DLGAP2: variants seen among roughly 807,000 people sequenced by gnomAD.
DLGAP2 encodes DLG associated protein 2, also known as disks large-associated protein 2.
A neutral mutation model predicts 100.3 loss-of-function variants in DLGAP2; 26 were observed. The ratio of observed to expected loss-of-function variants is 0.26; its 90% CI spans 0.19 to 0.36. The LOEUF (loss-of-function observed/expected upper bound fraction) is 0.36, where lower values mean the gene tolerates loss of function less well. Ranked by LOEUF, DLGAP2 falls within the 10% of genes least tolerant of loss-of-function variation. The probability of loss-of-function intolerance (pLI) is 1.00; values close to 1 mark genes in which losing one functional copy is unlikely to be tolerated. For synonymous variants in DLGAP2, 886 were observed against 630.1 expected (o/e 1.41, Z -6.08); for missense variants, 1,858 against 1,453.2 (o/e 1.28, Z -4.53).
At chr8:742,541 C>G (rs1161490406) in intron 1 of DLGAP2, among the ~76,000 whole-genome samples, 1 of 152,360 alleles carries the variant, frequency 6.6e-6, no homozygotes, top group South Asian at 2.1e-4. Context: ...CAGGGTCTCC[C>G]TCTGTCACCC....
At chr8:817,320 G>A (rs1796501029) in intron 1 of DLGAP2, among the ~76,000 whole-genome samples, 1 of 152,062 alleles carries the variant, frequency 6.6e-6, no homozygotes, top group East Asian at 1.9e-4. Flanking sequence ...AGTCATCATT[G>A]TTTTTTATTT....
At chr8:871,337 A>G (rs1055445865) in intron 1 of DLGAP2, among the ~76,000 whole-genome samples, 2 of 152,210 alleles carry the variant, frequency 1.3e-5, no homozygotes, top group Non-Finnish European at 2.9e-5. Flanking sequence ...ATCACCTGCT[A>G]CATTTCCATT....
chr8:1,144,681 A>G (rs986969087), intron 2 of DLGAP2, among the ~76,000 whole-genome samples: 8 of 152,234 alleles, frequency 5.3e-5, no homozygotes, highest in Admixed American at 2.6e-4. Flanking sequence ...CTGTGAATAC[A>G]GGCCCTGTCT....
intron 2 of DLGAP2, among the ~76,000 whole-genome samples, chr8:1,196,999 A>G (rs11136358): frequency 0.43 from 65,701 of 151,914 alleles, 14,265 homozygotes; most frequent in Middle Eastern, 0.6. Flanking sequence ...CTGCGTTTGA[A>G]GGCCTGAAAA....
intron 2 of DLGAP2, among the ~76,000 whole-genome samples, chr8:943,132 G>GTGAGGAACTCTTACAATTTTAGGGGCTA (rs1799232827): frequency 6.6e-6 from 1 of 152,218 alleles, no homozygotes; most frequent in Admixed American, 6.5e-5. Context: ...TGTGCGCACA[G>GTGAGGAACTCTTACAATTTTAGGGGCTA]TGAGGAACTC....
chr8:1,307,487 T>G (rs1008337469), intron 3 of DLGAP2, among the ~76,000 whole-genome samples: 8 of 152,156 alleles, frequency 5.3e-5, no homozygotes, highest in African/African-American at 1.9e-4. Flanking sequence ...AAACATGGAA[T>G]TTTCCTATGC....
intron 2 of DLGAP2, among the ~76,000 whole-genome samples, chr8:1,124,367 C>A (rs1234851095): frequency 6.6e-6 from 1 of 152,174 alleles, no homozygotes; most frequent in Non-Finnish European, 1.5e-5. Context: ...TCTCAGGGAC[C>A]TCAGAGCTGA....
At chr8:1,191,258 C>T (rs1360225568) in intron 2 of DLGAP2, among the ~76,000 whole-genome samples, 1 of 149,680 alleles carries the variant, frequency 6.7e-6, no homozygotes, top group Non-Finnish European at 1.5e-5. Context: ...TGCAGCTCCA[C>T]CTCCCGGGTT....
At chr8:1,380,894 T>C (rs974042171) in intron 3 of DLGAP2, among the ~76,000 whole-genome samples, 8 of 145,918 alleles carry the variant, frequency 5.5e-5, no homozygotes, top group African/African-American at 2.0e-4. Flanking sequence ...TTGGTGACCA[T>C]TTGTATCATC....
At chr8:1,423,186 T>A (rs975971265) in intron 3 of DLGAP2, among the ~76,000 whole-genome samples, 1 of 152,202 alleles carries the variant, frequency 6.6e-6, no homozygotes, top group Admixed American at 6.5e-5. Flanking sequence ...AATATAGTTT[T>A]GAATTCAACC....
At chr8:928,275 C>T (rs1038984028) in intron 2 of DLGAP2, among the ~76,000 whole-genome samples, 17 of 151,792 alleles carry the variant, frequency 1.1e-4, no homozygotes, top group African/African-American at 3.4e-4. Flanking sequence ...GTCCTGGACA[C>T]GGTTTACCGA....
At chr8:1,427,113 G>A (rs1797258369) in intron 3 of DLGAP2, among the ~76,000 whole-genome samples, 1 of 152,068 alleles carries the variant, frequency 6.6e-6, no homozygotes, top group African/African-American at 2.4e-5. Flanking sequence ...CACTACATAG[G>A]TTAAAAATCC....
At chr8:1,534,996 G>A (rs947466742) in intron 4 of DLGAP2, among the ~76,000 whole-genome samples, 4 of 152,242 alleles carry the variant, frequency 2.6e-5, no homozygotes, top group African/African-American at 7.2e-5. Context: ...TTGCCAGAGC[G>A]CACTGTTTTC....
At chr8:1,464,304 C>T (rs1354632067) in intron 3 of DLGAP2, among the ~76,000 whole-genome samples, 7,270 of 70,430 alleles carry the variant, frequency 0.1, 626 homozygotes, top group East Asian at 0.21. Flanking sequence ...CAGGATGGCA[C>T]CCTTCCAGGA....
At chr8:1,180,679 G>C (rs1253733674) in intron 2 of DLGAP2, among the ~76,000 whole-genome samples, 1 of 152,008 alleles carries the variant, frequency 6.6e-6, no homozygotes, top group African/African-American at 2.4e-5. Flanking sequence ...GGGTGTGCCA[G>C]GGCAGTACAA....
chr8:1,303,203 C>A (rs1472646304), intron 3 of DLGAP2, among the ~76,000 whole-genome samples: 1 of 152,166 alleles, frequency 6.6e-6, no homozygotes, highest in Non-Finnish European at 1.5e-5. Flanking sequence ...CAAGACCATC[C>A]TGGCTAACAC....
At chr8:1,647,903 G>A (rs1006659332) in intron 8 of DLGAP2, among the ~76,000 whole-genome samples, 1 of 152,114 alleles carries the variant, frequency 6.6e-6, no homozygotes. Flanking sequence ...TCCTCACATG[G>A]TGGAAAAAGC....
chr8:1,336,375 A>G (rs1801273490), intron 3 of DLGAP2, among the ~76,000 whole-genome samples: 2 of 152,206 alleles, frequency 1.3e-5, no homozygotes, highest in South Asian at 4.1e-4. Context: ...GCTGGAGGAA[A>G]AGTGGCGAGG....
chr8:1,549,334 G>A lies in DLGAP2; in HGVS notation c.881G>A (p.Ser294Asn). The change falls in exon 5 of 15, where the codon AGC becomes AAC. Residue 294 changes from serine to asparagine, a missense_variant. Transcript: ENST00000637795. ...KPEGKPRPGM[S>N]SWWSSDDNLD... ...GAGGGCAAGCCCCGGCCCGGCATGAGCAGCTGGTGGAGCTCGGACGACAAC... is the reference window on the plus strand; with the variant it reads ...GAGGGCAAGCCCCGGCCCGGCATGAACAGCTGGTGGAGCTCGGACGACAAC... 6.2e-7 allele frequency: 1 copy of A among 1,613,288 alleles called. No homozygotes were observed. Among genetic ancestry groups the A allele is most frequent in the African/African-American group, 1.3e-5 (1 of 75,074 alleles).
Sources: gnomAD v4.1 joint callset for allele counts (sites outside exome capture counted in the v4.1 genomes callset) on GRCh38, gnomAD v4.1.1 for gene constraint, MANE v1.5 for transcripts, NCBI Gene and HGNC (gene_info 2026-07-23, HGNC 2026-07-21) for gene names.